The following DNAAF11 variants were observed in gnomAD, a reference collection of about 807,000 sequenced individuals.
DNAAF11 encodes the protein leucine rich repeat containing 6.
Under a neutral mutation model 60.8 loss-of-function variants are expected in DNAAF11, and 45 were observed. That is an observed-to-expected ratio of 0.74 (90% CI 0.58 to 0.95). The LOEUF (loss-of-function observed/expected upper bound fraction) is 0.95. Ranked by LOEUF, DNAAF11 falls within the 40% of genes least tolerant of loss-of-function variation. DNAAF11 has a pLI of 0.00. For synonymous variants in DNAAF11, 191 were observed against 183.5 expected (o/e 1.04, Z -0.33); for missense variants, 546 against 546.2 (o/e 1.00, Z 0.00).
At chr8:132,609,206 A>T (rs903200667) in intron 10 of DNAAF11, among the ~76,000 whole-genome samples, 1 of 149,938 alleles carries the variant, frequency 6.7e-6, no homozygotes, top group East Asian at 1.9e-4. Context: ...CAGATGCTCA[A>T]GTCTCCAATA....
chr8:132,695,233 G>A, the DNAAF11 span, among the ~76,000 whole-genome samples: 1 of 152,170 alleles, frequency 6.6e-6, no homozygotes, highest in Admixed American at 6.5e-5. Context: ...GCTACTGTAA[G>A]CAGAGGAATG....
intron 10 of DNAAF11, among the ~76,000 whole-genome samples, chr8:132,598,525 T>C (rs1276324706): frequency 1.3e-5 from 2 of 152,204 alleles, no homozygotes; most frequent in Non-Finnish European, 2.9e-5. Flanking sequence ...TGGTAAAGTC[T>C]TTCAGGGCAG....
At chr8:132,585,441 A>G (rs1815791425) in intron 10 of DNAAF11, among the ~76,000 whole-genome samples, 1 of 152,192 alleles carries the variant, frequency 6.6e-6, no homozygotes, top group Non-Finnish European at 1.5e-5. Flanking sequence ...GAAGATCTTC[A>G]GCTCCACCCT....
intron 3 of DNAAF11, among the ~76,000 whole-genome samples, chr8:132,654,003 A>T (rs1823285874): frequency 6.6e-6 from 1 of 152,094 alleles, no homozygotes; most frequent in Admixed American, 6.5e-5. Flanking sequence ...CGATTCATCT[A>T]TATGCCTTTT....
At chr8:132,572,904 C>G (rs1814357765) in intron 11 of DNAAF11, among the ~76,000 whole-genome samples, 1 of 151,834 alleles carries the variant, frequency 6.6e-6, no homozygotes, top group Non-Finnish European at 1.5e-5. Flanking sequence ...TTCAGACAAT[C>G]TAACTTGCAG....
chr8:132,644,459 G>T (rs1477804330), intron 3 of DNAAF11, among the ~76,000 whole-genome samples: 9 of 152,116 alleles, frequency 5.9e-5, no homozygotes, highest in Non-Finnish European at 1.3e-4. Flanking sequence ...TCCAACTGAG[G>T]TACCGGGTTC....
chr8:132,650,673 C>T (rs1822917632), intron 3 of DNAAF11, among the ~76,000 whole-genome samples: 1 of 152,106 alleles, frequency 6.6e-6, no homozygotes, highest in African/African-American at 2.4e-5. Flanking sequence ...GTTTATTTTA[C>T]ATTGGCAAAA....
Position 132,572,178 on chromosome 8 carries a change from T to C in DNAAF11, c.*128A>G, listed in dbSNP as rs1814256476. 1 of 728,808 alleles carries C rather than the reference T, an allele frequency of 1.4e-6. No homozygotes were observed. Among genetic ancestry groups the C allele is most frequent in the East Asian group, 2.6e-5 (1 of 38,810 alleles). 45.1% of individuals were successfully genotyped at this position (728,808 alleles called of 1,614,324 possible). A position where few individuals can be genotyped will look rare whatever the true frequency, so the allele number is the denominator to read the frequency against. Reference sequence around the variant, plus strand: ...GGATATTACTATGCAAAGTAAGAGTTAAAACACTGGAGCAGCGATATTGAC... The same window carrying C: ...GGATATTACTATGCAAAGTAAGAGTCAAAACACTGGAGCAGCGATATTGAC... On this transcript the variant is annotated 3_prime_UTR_variant, in exon 12 of 12. Coordinates refer to ENST00000620350, the MANE Select transcript of DNAAF11 (RefSeq NM_012472.6).
At chr8:132,649,119 A>C (rs1822725210) in intron 3 of DNAAF11, among the ~76,000 whole-genome samples, 1 of 152,320 alleles carries the variant, frequency 6.6e-6, no homozygotes, top group South Asian at 2.1e-4. Context: ...TTCAAACTAT[A>C]CTACAAGGCT....
At chr8:132,671,850 T>G (rs1825216137) in intron 1 of DNAAF11, among the ~76,000 whole-genome samples, 1 of 151,514 alleles carries the variant, frequency 6.6e-6, no homozygotes, top group South Asian at 2.1e-4. Flanking sequence ...AATCTACATC[T>G]CACATCATAT....
At chr8:132,672,715 CTG>C (rs1464820818) in intron 1 of DNAAF11, among the ~76,000 whole-genome samples, 2 of 152,178 alleles carry the variant, frequency 1.3e-5, no homozygotes, top group East Asian at 3.8e-4. Context: ...AGCTCAATAA[CTG>C]TGAGTGAGCT....
At position 132,599,762 on chromosome 8, in the gene DNAAF11, A is replaced by T. The variant is rs190123181; in HGVS notation, c.1140+10404T>A. ...AAAACTCTGAATAAATTAGGTATTG[A>T]TGGGACGTATCTCAAAATAATAAGA... On this transcript the variant is annotated intron_variant, in intron 10 of 11. Coordinates refer to ENST00000620350, the MANE Select transcript of DNAAF11 (RefSeq NM_012472.6). Among the ~76,000 whole-genome samples, 5 of 152,336 alleles carry T rather than the reference A, an allele frequency of 3.3e-5. No individual in the cohort carries two copies. In the East Asian group the frequency reaches 9.6e-4, roughly 29 times the overall value.
intron 1 of DNAAF11, among the ~76,000 whole-genome samples, chr8:132,670,244 A>T (rs1825055178): frequency 6.6e-6 from 1 of 152,168 alleles, no homozygotes; most frequent in South Asian, 2.1e-4. Flanking sequence ...AAAATTGGTA[A>T]ACTTTCAGTC....
At chr8:132,674,343 TC>T (rs1043206418) in intron 1 of DNAAF11, among the ~76,000 whole-genome samples, 1 of 151,264 alleles carries the variant, frequency 6.6e-6, no homozygotes, top group Non-Finnish European at 1.5e-5. Context: ...TACAAATCAC[TC>T]CCCCCCGACC....
intron 2 of DNAAF11, among the ~76,000 whole-genome samples, chr8:132,660,991 G>A (rs984129025): frequency 2.0e-5 from 3 of 151,900 alleles, no homozygotes; most frequent in Non-Finnish European, 1.5e-5. Context: ...ATTCCAAATC[G>A]GAAGCCCCTC....
intron 11 of DNAAF11, 38 bp from the exon 12 acceptor site, chr8:132,572,518 A>T (rs751832531): frequency 1.4e-6 from 2 of 1,471,670 alleles, no homozygotes; most frequent in South Asian, 2.6e-5. Flanking sequence ...AACTGATACT[A>T]CATCATTTAA....
intron 4 of DNAAF11, among the ~76,000 whole-genome samples, chr8:132,637,064 G>T (rs552468525): frequency 6.6e-6 from 1 of 152,132 alleles, no homozygotes. Flanking sequence ...ATTCTCTGTT[G>T]TATGATTTCT....
chr8:132,691,184 T>C, the DNAAF11 span, among the ~76,000 whole-genome samples: 1 of 148,342 alleles, frequency 6.7e-6, no homozygotes, highest in African/African-American at 2.6e-5. Context: ...TCATTACTTA[T>C]TTATATCAGT....
intron 10 of DNAAF11, among the ~76,000 whole-genome samples, chr8:132,609,334 T>C (rs1564017423): frequency 6.6e-6 from 1 of 151,648 alleles, no homozygotes; most frequent in African/African-American, 2.4e-5. Context: ...TTATACTGTA[T>C]TGTCTCGGGA....
Sources: gnomAD v4.1 joint callset for allele counts (sites outside exome capture counted in the v4.1 genomes callset) on GRCh38, gnomAD v4.1.1 for gene constraint, MANE v1.5 for transcripts, NCBI Gene and HGNC (gene_info 2026-07-23, HGNC 2026-07-21) for gene names.